Variants in DDX42 observed in about 807,000 individuals in gnomAD.
DDX42 encodes ATP-dependent RNA helicase DDX42.
DDX42 carries 22 observed loss-of-function variants against 101.5 expected under a neutral mutation model. The ratio of observed to expected loss-of-function variants is 0.22; its 90% confidence interval spans 0.15 to 0.31. DDX42 has a LOEUF of 0.31. Ranked by LOEUF, DDX42 falls within the 10% of genes least tolerant of loss-of-function variation. DDX42 has a pLI of 1.00. For missense variants in DDX42, 849 were observed against 1,199.9 expected, an observed-to-expected ratio of 0.71 and a Z score of 4.32; for synonymous variants, 402 against 401.2, an observed-to-expected ratio of 1.00 and a Z score of -0.02.
chr17:63,797,439 G>A (rs1463846668), intron 3 of DDX42, among the ~76,000 whole-genome samples: 1 of 151,600 alleles, frequency 6.6e-6, no homozygotes, highest in Non-Finnish European at 1.5e-5. Context: ...TTCTGATTTA[G>A]TAGATGTAGA....
At chr17:63,800,697 AG>A (rs1461668420) in intron 6 of DDX42, 80 bp downstream of exon 6, 36 of 1,528,186 alleles carry the variant, frequency 2.4e-5, no homozygotes, top group Non-Finnish European at 3.2e-5. Context: ...TTTTCTCAGT[AG>A]TGGAATACTC....
intron 6 of DDX42, among the ~76,000 whole-genome samples, chr17:63,802,109 C>T (rs1458350452): frequency 6.6e-6 from 1 of 152,118 alleles, no homozygotes; most frequent in Admixed American, 6.5e-5. Flanking sequence ...ACTGCTGATG[C>T]CTTAGCATGA....
rs1017076858 is a variant in DDX42 at position 63,818,484 on chromosome 17, C to T, written c.*86C>T. 3 of 1,327,010 alleles carry T rather than the reference C, an allele frequency of 2.3e-6. No individual in the cohort carries two copies. The highest frequency in any genetic ancestry group is 2.9e-5 in the African/African-American group (2 of 68,090). 82.2% of individuals were successfully genotyped at this position (1,327,010 alleles called of 1,614,324 possible). A position where few individuals can be genotyped will look rare whatever the true frequency, so the allele number is the denominator to read the frequency against. On this transcript the variant is annotated 3_prime_UTR_variant, in exon 18 of 18. Coordinates refer to ENST00000389924, the MANE Select transcript of DDX42 (RefSeq NM_203499.3). ...AGGTGTCTCAGGGCTGGGTTGGGGT[C>T]CAAAGTGTAAGGACCCCCTGCCCTT... is the stretch of plus-strand genomic sequence containing the variant.
intron 2 of DDX42, among the ~76,000 whole-genome samples, chr17:63,791,126 G>A (rs1375308796): frequency 6.6e-6 from 1 of 151,954 alleles, no homozygotes; most frequent in Non-Finnish European, 1.5e-5. Context: ...TTAATATTTG[G>A]TTATATTACT....
intron 9 of DDX42, among the ~76,000 whole-genome samples, chr17:63,808,110 T>C (rs9890706): frequency 0.044 from 6,769 of 152,308 alleles, 522 homozygotes; most frequent in African/African-American, 0.15. Context: ...GAAAGTATTA[T>C]GTGTTAAATA....
intron 3 of DDX42, among the ~76,000 whole-genome samples, chr17:63,796,936 A>C (rs2039700642): frequency 2.0e-5 from 3 of 152,196 alleles, no homozygotes; most frequent in Non-Finnish European, 4.4e-5. Flanking sequence ...GGCATTTTTA[A>C]AAATCTGAGA....
At chr17:63,816,528 C>T (rs1202245565) in intron 16 of DDX42, 1 of 170,808 alleles carries the variant, frequency 5.9e-6, no homozygotes, top group Non-Finnish European at 1.2e-5. Flanking sequence ...AGGGCCTGAG[C>T]AGTCACACAA....
chr17:63,786,797 C>T (rs1275453201), intron 1 of DDX42, among the ~76,000 whole-genome samples: 1 of 152,214 alleles, frequency 6.6e-6, no homozygotes, highest in Non-Finnish European at 1.5e-5. Flanking sequence ...TATGCCTCAG[C>T]CTCCCAAGTA....
chr17:63,785,390 C>T (rs1429501997), intron 1 of DDX42, among the ~76,000 whole-genome samples: 1 of 151,918 alleles, frequency 6.6e-6, no homozygotes, highest in Non-Finnish European at 1.5e-5. Flanking sequence ...ACAGAGGTTG[C>T]AGCAAGCCGA....
At chr17:63,796,061 A>G (rs2039689009) in intron 3 of DDX42, among the ~76,000 whole-genome samples, 1 of 152,156 alleles carries the variant, frequency 6.6e-6, no homozygotes. Flanking sequence ...CAATAAATGA[A>G]TTGTCATCTT....
intron 3 of DDX42, 126 bp downstream of exon 3, chr17:63,792,688 C>A: frequency 1.0e-6 from 1 of 994,394 alleles, no homozygotes; most frequent in Non-Finnish European, 1.4e-6. Flanking sequence ...GAGAATTTTG[C>A]TCCAGTAGTC....
intron 3 of DDX42, among the ~76,000 whole-genome samples, chr17:63,792,763 T>C (rs1468659798): frequency 2.0e-5 from 3 of 152,134 alleles, no homozygotes; most frequent in African/African-American, 7.2e-5. Context: ...TGGCTAGAAA[T>C]TTGAACTGTA....
intron 4 of DDX42, among the ~76,000 whole-genome samples, chr17:63,798,693 A>G (rs2039723649): frequency 6.6e-6 from 1 of 152,220 alleles, no homozygotes; most frequent in African/African-American, 2.4e-5. Context: ...AACTTGAAGT[A>G]CTTTATTTTC....
chr17:63,782,975 A>G (rs967863030), intron 1 of DDX42, among the ~76,000 whole-genome samples: 2 of 151,868 alleles, frequency 1.3e-5, no homozygotes, highest in Admixed American at 6.6e-5. Context: ...GCACTGAACT[A>G]TTTCTTGTTC....
At position 63,818,362 on chromosome 17, in the gene DDX42, G is replaced by A; in HGVS notation, c.2781G>A (p.Glu927=). 6.2e-7 allele frequency: 1 copy of A among 1,613,980 alleles called. No homozygotes were observed. Among genetic ancestry groups the A allele is most frequent in the South Asian group, 1.1e-5 (1 of 91,078 alleles). ...CAGCTGACGGCTTTGCTGTCCCAGA[G>A]CCGCCTAAACGCAAGAAAAGTCGAT... ...DKTADGFAVP[E]PPKRKKSRWD... Residue 927 remains glutamate, a synonymous_variant, in exon 18 of 18, where the codon GAG becomes GAA. Transcript: ENST00000389924.
chr17:63,785,970 G>A (rs879727903), intron 1 of DDX42, among the ~76,000 whole-genome samples: 6 of 152,158 alleles, frequency 3.9e-5, no homozygotes, highest in Non-Finnish European at 8.8e-5. Context: ...ATATAAGGAT[G>A]AAGATATTTA....
chr17:63,790,996 C>T (rs533465087), intron 2 of DDX42, among the ~76,000 whole-genome samples: 16 of 152,126 alleles, frequency 1.1e-4, no homozygotes, highest in Non-Finnish European at 2.4e-4. Flanking sequence ...GTCAGTGTTA[C>T]ATTAGTGTGT....
chr17:63,808,064 GTA>G (rs552596470), intron 9 of DDX42, among the ~76,000 whole-genome samples, 164 bp downstream of exon 9: 209 of 152,278 alleles, frequency 1.4e-3, no homozygotes, highest in African/African-American at 4.9e-3. Flanking sequence ...GTGGCATTAA[GTA>G]TATTCACAGT....
intron 4 of DDX42, 40 bp from the exon 5 acceptor site, chr17:63,799,549 A>G: frequency 6.2e-7 from 1 of 1,611,322 alleles, no homozygotes. Flanking sequence ...GGTATGTGGA[A>G]CATTTGCAGG....
Sources: allele counts gnomAD v4.1 joint callset (sites outside exome capture counted in the v4.1 genomes callset), GRCh38; gene constraint gnomAD v4.1.1; transcripts MANE v1.5; gene names NCBI Gene and HGNC (gene_info 2026-07-23, HGNC 2026-07-21).